IDO2: variants seen among roughly 807,000 people sequenced by gnomAD.
IDO2 encodes indoleamine 2,3-dioxygenase 2.
A neutral mutation model predicts 45.1 loss-of-function variants in IDO2; 46 were observed. That is an observed-to-expected ratio of 1.02 (90% confidence interval 0.80 to 1.30). The LOEUF is 1.30. Ranked by LOEUF, IDO2 falls within the 50% of genes most tolerant of loss-of-function variation. IDO2 has a pLI of 0.00. For synonymous variants in IDO2, 218 were observed against 184.9 expected, an observed-to-expected ratio of 1.18 and a Z score of -1.45; for missense variants, 544 against 491.8, an observed-to-expected ratio of 1.11 and a Z score of -1.00.
At chr8:39,986,099 G>C (rs1172246328) in intron 6 of IDO2, 1 of 152,474 alleles carries the variant, frequency 6.6e-6, no homozygotes, top group African/African-American at 2.4e-5. Flanking sequence ...CAAAGTGCTG[G>C]GATTGCAGGC....
chr8:39,935,248 C>A, intron 1 of IDO2, 30 bp downstream of exon 1: 1 of 1,574,882 alleles, frequency 6.3e-7, no homozygotes, highest in Non-Finnish European at 8.7e-7. Context: ...CTTTTCTAAC[C>A]TCGTATGCAT....
intron 1 of IDO2, among the ~76,000 whole-genome samples, chr8:39,935,616 AT>A (rs1807534224): frequency 6.6e-6 from 1 of 151,878 alleles, no homozygotes; most frequent in Non-Finnish European, 1.5e-5. Flanking sequence ...CACCCTGCTA[AT>A]TTTTGTACTT....
At chr8:39,939,952 G>C (rs11777027) in intron 1 of IDO2, among the ~76,000 whole-genome samples, 121,327 of 152,090 alleles carry the variant, frequency 0.8, 49,318 homozygotes, top group Non-Finnish European at 0.87. Flanking sequence ...TTCTCCTTGG[G>C]CCATTTCCAA....
At chr8:40,004,841 C>T (rs1802195892) in intron 8 of IDO2, among the ~76,000 whole-genome samples, 2 of 152,220 alleles carry the variant, frequency 1.3e-5, no homozygotes. Flanking sequence ...GAACCTGTCT[C>T]TGACCTAGTG....
intron 3 of IDO2, among the ~76,000 whole-genome samples, chr8:39,972,954 G>A (rs1161555732): frequency 4.6e-5 from 7 of 152,188 alleles, no homozygotes; most frequent in Admixed American, 1.3e-4. Flanking sequence ...ACTTTATAGT[G>A]TGAACATAAC....
At chr8:40,009,515 C>T (rs775404122) in intron 9 of IDO2, among the ~76,000 whole-genome samples, 39 of 151,092 alleles carry the variant, frequency 2.6e-4, no homozygotes, top group Non-Finnish European at 5.2e-4. Flanking sequence ...AAAGTTGCTA[C>T]AAGAAAGGCT....
At chr8:39,990,821 C>T (rs1381520743) in intron 8 of IDO2, among the ~76,000 whole-genome samples, 2 of 152,194 alleles carry the variant, frequency 1.3e-5, no homozygotes, top group African/African-American at 2.4e-5. Context: ...TTACGGGGCC[C>T]AACCTTCCTG....
intron 10 of IDO2, 103 bp downstream of exon 10, chr8:40,013,816 G>C: frequency 2.1e-6 from 2 of 956,158 alleles, no homozygotes. Context: ...AAAATGTCAT[G>C]AAGTTTATAC....
rs111480873 is a variant in IDO2 at position 39,989,961 on chromosome 8, G to A, written c.667+123G>A. 1,655 of 603,126 alleles carry A rather than the reference G, an allele frequency of 2.7e-3. 11 individuals are homozygous for A. Among genetic ancestry groups the A allele is most frequent in the African/African-American group, 0.02 (1,094 of 53,800 alleles). The allele number at this position is 603,126 out of a possible 1,614,324, so 37.4% of individuals were successfully genotyped here. On this transcript the variant is annotated intron_variant, in intron 8 of 10. Coordinates refer to ENST00000502986, the Ensembl canonical transcript of IDO2. Reference sequence around the variant, plus strand: ...ATAATACATTCATCCACCAGATGACGCTGGTGGACTATCTTTGTTTTAGGT... The same window carrying A: ...ATAATACATTCATCCACCAGATGACACTGGTGGACTATCTTTGTTTTAGGT...
chr8:39,953,670 C>G (rs1807844895), intron 2 of IDO2, among the ~76,000 whole-genome samples: 1 of 152,140 alleles, frequency 6.6e-6, no homozygotes, highest in Non-Finnish European at 1.5e-5. Flanking sequence ...TCAAACGATT[C>G]TCCTGCCTCA....
At chr8:39,994,135 G>A (rs1313603709) in intron 8 of IDO2, among the ~76,000 whole-genome samples, 1 of 152,018 alleles carries the variant, frequency 6.6e-6, no homozygotes, top group Non-Finnish European at 1.5e-5. Flanking sequence ...AGGACAAATG[G>A]TATTTATTAA....
At chr8:39,954,649 CTTTTTTT>C (rs542016899) in intron 2 of IDO2, among the ~76,000 whole-genome samples, 47 of 84,728 alleles carry the variant, frequency 5.5e-4, no homozygotes, top group African/African-American at 1.9e-3. Flanking sequence ...GTCTCTCTCT[CTTTTTTT>C]TTTTTTTTTT....
intron 1 of IDO2, among the ~76,000 whole-genome samples, chr8:39,942,302 T>C (rs1047047826): frequency 2.0e-5 from 3 of 152,174 alleles, no homozygotes; most frequent in African/African-American, 4.8e-5. Flanking sequence ...ATGTAGCTAA[T>C]AGATGATAGA....
At chr8:39,951,045 A>AACAAAACAAC (rs1807807026) in intron 2 of IDO2, among the ~76,000 whole-genome samples, 1 of 151,424 alleles carries the variant, frequency 6.6e-6, no homozygotes, top group East Asian at 2.0e-4. Context: ...AACAAAACAA[A>AACAAAACAAC]ACAAAACAAA....
At chr8:39,997,702 G>C (rs974394481) in intron 8 of IDO2, among the ~76,000 whole-genome samples, 1 of 152,070 alleles carries the variant, frequency 6.6e-6, no homozygotes, top group African/African-American at 2.4e-5. Context: ...AGATTCTCTA[G>C]TCAGAATTAA....
intron 1 of IDO2, among the ~76,000 whole-genome samples, chr8:39,936,249 CCTG>C (rs1807548174): frequency 1.3e-5 from 2 of 152,032 alleles, no homozygotes; most frequent in Non-Finnish European, 2.9e-5. Context: ...AAAAAATTAC[CCTG>C]CTATTGATTT....
At chr8:40,006,208 T>C (rs773718255) in intron 9 of IDO2, among the ~76,000 whole-genome samples, 2 of 152,222 alleles carry the variant, frequency 1.3e-5, no homozygotes, top group African/African-American at 2.4e-5. Context: ...AGCATACATA[T>C]TCAGTAGAAA....
chr8:39,959,836 A>G (rs1250788027), intron 2 of IDO2, among the ~76,000 whole-genome samples: 2 of 152,180 alleles, frequency 1.3e-5, no homozygotes, highest in Admixed American at 6.5e-5. Context: ...AAATAAATAA[A>G]TAAGTCAGAG....
intron 2 of IDO2, among the ~76,000 whole-genome samples, chr8:39,960,159 T>C (rs964199462): frequency 6.6e-6 from 1 of 152,184 alleles, no homozygotes; most frequent in African/African-American, 2.4e-5. Flanking sequence ...TTCCCTGGGT[T>C]CTCATGGACC....
Sources: allele counts gnomAD v4.1 joint callset (sites outside exome capture counted in the v4.1 genomes callset), GRCh38; gene constraint gnomAD v4.1.1; transcripts MANE v1.5; gene names NCBI Gene and HGNC (gene_info 2026-07-23, HGNC 2026-07-21).